The following PTPN12 variants were observed in gnomAD, a reference collection of about 807,000 sequenced individuals.
PTPN12 encodes tyrosine-protein phosphatase non-receptor type 12.
A neutral mutation model predicts 97.6 loss-of-function variants in PTPN12; 29 were observed. That is an observed-to-expected ratio of 0.30 (90% CI 0.22 to 0.41). The LOEUF is 0.41. PTPN12 is among the 10% of genes least tolerant of loss of function. The pLI, the probability that PTPN12 is intolerant of heterozygous loss-of-function variation, is 1.00. For missense variants in PTPN12, 819 were observed against 926.0 expected (o/e 0.88, Z 1.50); for synonymous variants, 327 against 300.4 (o/e 1.09, Z -0.91).
chr7:77,537,589 C>T lies in PTPN12; in HGVS notation c.43C>T (p.Gln15Ter). The change falls in exon 1 of 18, where the codon CAG becomes TAG. Residue 15 changes from glutamine (Q) to a stop codon, truncating the protein, a stop_gained. Transcript: ENST00000248594. LOFTEE classifies it high-confidence loss of function. Reference sequence around the variant, plus strand: ...CCTGAGGAAATTCATCCAGAGGGTCCAGGCCATGAAGAGTCCTGACCACAA... The same window carrying T: ...CCTGAGGAAATTCATCCAGAGGGTCTAGGCCATGAAGAGTCCTGACCACAA... ...EILRKFIQRV[Q>*]AMKSPDHNGE... 1 of 1,605,088 alleles carries T rather than the reference C, an allele frequency of 6.2e-7. No individual in the cohort carries two copies. Among genetic ancestry groups the T allele is most frequent in the Non-Finnish European group, 8.5e-7 (1 of 1,176,678 alleles).
intron 2 of PTPN12, among the ~76,000 whole-genome samples, chr7:77,581,063 G>GT (rs1026476034): frequency 1.1e-4 from 16 of 142,708 alleles, no homozygotes; most frequent in Admixed American, 5.1e-4. Context: ...GTTTTGTTTT[G>GT]TTTTTTTGCT....
intron 5 of PTPN12, among the ~76,000 whole-genome samples, chr7:77,588,747 G>T (rs1472542236): frequency 6.6e-6 from 1 of 152,148 alleles, no homozygotes; most frequent in East Asian, 1.9e-4. Context: ...CAGTGGTGTT[G>T]TAACTAGAAT....
At chr7:77,635,916 AGTT>A in intron 15 of PTPN12, 67 bp downstream of exon 15, 1 of 1,085,826 alleles carries the variant, frequency 9.2e-7, no homozygotes, top group Non-Finnish European at 1.3e-6. Flanking sequence ...CTAATCTTGC[AGTT>A]GTTGAAATAG....
intron 1 of PTPN12, among the ~76,000 whole-genome samples, chr7:77,564,766 T>G (rs1217602447): frequency 1.8e-5 from 2 of 112,636 alleles, no homozygotes; most frequent in African/African-American, 6.7e-5. Flanking sequence ...TTTTTTTTTT[T>G]TTTTTTTTTT....
Position 77,581,509 on chromosome 7 carries a change from T to C in PTPN12, c.285+6T>C. ...TCAATGCAAATTTTATAAAGGTATG[T>C]ACTAACTTTAAATGGTGTTTCTCTG... On this transcript the variant is annotated splice_donor_region_variant and intron_variant, in intron 3 of 17. Coordinates refer to ENST00000248594, the MANE Select transcript of PTPN12 (RefSeq NM_002835.4). The C allele has an allele frequency of 6.6e-7, 1 of 1,513,744 alleles. No homozygotes were observed. The highest frequency in any genetic ancestry group is 9.1e-7 in the Non-Finnish European group (1 of 1,103,094). The allele number at this position is 1,513,744 out of a possible 1,614,324, so 93.8% of individuals were successfully genotyped here.
intron 13 of PTPN12, among the ~76,000 whole-genome samples, chr7:77,630,153 T>C (rs1013351709): frequency 3.9e-5 from 6 of 152,180 alleles, no homozygotes; most frequent in Non-Finnish European, 5.9e-5. Flanking sequence ...TAACTACAAG[T>C]AGTCTCATTT....
chr7:77,568,372 A>C (rs1244406512), intron 1 of PTPN12, among the ~76,000 whole-genome samples: 1 of 152,218 alleles, frequency 6.6e-6, no homozygotes, highest in African/African-American at 2.4e-5. Context: ...GGTGGCTTAC[A>C]CTTGTATTCC....
At chr7:77,561,779 A>T (rs1414437156) in intron 1 of PTPN12, among the ~76,000 whole-genome samples, 1 of 151,490 alleles carries the variant, frequency 6.6e-6, no homozygotes, top group Non-Finnish European at 1.5e-5. Flanking sequence ...TAATTAATTA[A>T]TTAATTTTAT....
chr7:77,581,957 G>T (rs1031004020), intron 3 of PTPN12, among the ~76,000 whole-genome samples: 1 of 151,976 alleles, frequency 6.6e-6, no homozygotes, highest in Non-Finnish European at 1.5e-5. Flanking sequence ...TAAAATTCTA[G>T]AACATAGCTT....
intron 5 of PTPN12, among the ~76,000 whole-genome samples, chr7:77,589,751 A>G (rs577537525): frequency 1.3e-5 from 2 of 152,272 alleles, no homozygotes; most frequent in African/African-American, 2.4e-5. Context: ...AGGGTTGTCA[A>G]TATATACATT....
At chr7:77,619,008 A>G (rs1235634756) in intron 12 of PTPN12, among the ~76,000 whole-genome samples, 1 of 152,174 alleles carries the variant, frequency 6.6e-6, no homozygotes, top group Non-Finnish European at 1.5e-5. Flanking sequence ...AGTTAAAATC[A>G]TATATATTCA....
rs150082647 is a variant in PTPN12 at position 77,587,569 on chromosome 7, C to G, written c.420+1988C>G. Among the ~76,000 whole-genome samples the G allele has an allele frequency of 1.1e-3, 166 of 152,298 alleles. 1 individual carries two copies. The highest frequency in any genetic ancestry group is 3.3e-3 in the African/African-American group (138 of 41,566). ...TACATTTGGCATGATTTTTAGAGCC[C>G]TTAGGATTTTCAGAATGGTAAATGA... On this transcript the variant is annotated intron_variant, in intron 5 of 17. Coordinates refer to ENST00000248594, the MANE Select transcript of PTPN12 (RefSeq NM_002835.4).
chr7:77,618,634 A>G, intron 12 of PTPN12, 69 bp downstream of exon 12: 1 of 1,060,886 alleles, frequency 9.4e-7, no homozygotes, highest in Admixed American at 2.1e-5. Context: ...TTAAAATGAC[A>G]AATTCTGAAT....
At chr7:77,550,498 G>A (rs1807432460) in intron 1 of PTPN12, among the ~76,000 whole-genome samples, 1 of 152,082 alleles carries the variant, frequency 6.6e-6, no homozygotes, top group South Asian at 2.1e-4. Flanking sequence ...TAAGAACTGA[G>A]GGTCCTAGAA....
Position 77,545,185 on chromosome 7 carries a change from G to A in PTPN12, c.99+7540G>A, listed in dbSNP as rs111420633. Among the ~76,000 whole-genome samples the A allele has an allele frequency of 1.2e-3, 183 of 152,112 alleles. 3 individuals carry two copies. Among genetic ancestry groups the A allele is most frequent in the African/African-American group, 4.2e-3 (176 of 41,510 alleles). On this transcript the variant is annotated intron_variant, in intron 1 of 17. Transcript: ENST00000248594. ...AATAAAATCAAGATATCATGTCATCGGTATCTCTTCAAAAATAGTGAATTT... is the reference window on the plus strand; with the variant it reads ...AATAAAATCAAGATATCATGTCATCAGTATCTCTTCAAAAATAGTGAATTT...
intron 9 of PTPN12, among the ~76,000 whole-genome samples, chr7:77,607,691 A>G (rs912969377): frequency 1.3e-5 from 2 of 152,194 alleles, no homozygotes; most frequent in Non-Finnish European, 2.9e-5. Flanking sequence ...GTGAGTGAAT[A>G]CTTGCATTAG....
chr7:77,543,585 T>C (rs1398410096), intron 1 of PTPN12, among the ~76,000 whole-genome samples: 1 of 152,158 alleles, frequency 6.6e-6, no homozygotes, highest in Non-Finnish European at 1.5e-5. Flanking sequence ...TCACTAGTTT[T>C]TTATTACATT....
At chr7:77,587,499 G>A (rs1584150526) in intron 5 of PTPN12, among the ~76,000 whole-genome samples, 1 of 152,202 alleles carries the variant, frequency 6.6e-6, no homozygotes, top group Admixed American at 6.5e-5. Flanking sequence ...GTAAACAGAT[G>A]TGCTGACATC....
chr7:77,632,011 T>C (rs1789415337), intron 13 of PTPN12, among the ~76,000 whole-genome samples: 3 of 152,190 alleles, frequency 2.0e-5, no homozygotes, highest in Non-Finnish European at 4.4e-5. Context: ...TGACCAAAGC[T>C]TTCCTTTTTG....
Sources: allele counts gnomAD v4.1 joint callset (sites outside exome capture counted in the v4.1 genomes callset), GRCh38; gene constraint gnomAD v4.1.1; transcripts MANE v1.5; gene names NCBI Gene and HGNC (gene_info 2026-07-23, HGNC 2026-07-21).